The following PSG8 variants were observed in gnomAD, a reference collection of about 807,000 sequenced individuals.
PSG8 encodes pregnancy specific beta-1-glycoprotein 8, also known as pregnancy-specific beta-1-glycoprotein 8.
In PSG8, 57 loss-of-function variants were observed where a neutral mutation model predicts 42.5. That is an observed-to-expected ratio of 1.34 (90% CI 1.08 to 1.67). The LOEUF (loss-of-function observed/expected upper bound fraction) is 1.67, where lower values mean the gene tolerates loss of function less well. Ranked by LOEUF, PSG8 falls within the 40% of genes most tolerant of loss-of-function variation. PSG8 has a pLI of 0.00. For missense variants in PSG8, 783 were observed against 518.6 expected, an observed-to-expected ratio of 1.51 and a Z score of -4.95; for synonymous variants, 280 against 196.8, an observed-to-expected ratio of 1.42 and a Z score of -3.54.
At chr19:42,760,291 A>T (rs4558509) in intron 2 of PSG8, among the ~76,000 whole-genome samples, 106,655 of 151,986 alleles carry the variant, frequency 0.7, 39,059 homozygotes, top group African/African-American at 0.91. Context: ...AAACCATCAG[A>T]TAGCACCCAC....
intron 2 of PSG8, 120 bp from the exon 3 acceptor site, chr19:42,758,400 G>A: frequency 6.6e-7 from 1 of 1,523,346 alleles, no homozygotes; most frequent in Non-Finnish European, 8.8e-7. Flanking sequence ...AAAAGCCCAT[G>A]GCAGGTGTGT....
Position 42,765,015 on chromosome 19 carries a change from C to A in PSG8, c.64+503G>T, listed in dbSNP as rs574071448. Among the ~76,000 whole-genome samples the A allele has an allele frequency of 3.3e-5, 5 of 152,060 alleles. No individual in the cohort carries two copies. In the South Asian group the frequency reaches 1.0e-3, roughly 32 times the overall value. On this transcript the variant is annotated intron_variant, in intron 1 of 4. Coordinates refer to ENST00000306511, the MANE Select transcript of PSG8 (RefSeq NM_182707.3). ...AATGTGGTGGCCCCTGATGATTAAT[C>A]AGGAAAACAGAACACAAGATTTTCC...
rs1292837925 is a variant in PSG8 at position 42,765,615 on chromosome 19, G to GA, written c.-35dup. 1 of 1,605,526 alleles carries GA rather than the reference G, an allele frequency of 6.2e-7. No homozygotes were observed. Among genetic ancestry groups the GA allele is most frequent in the Non-Finnish European group, 8.5e-7 (1 of 1,174,516 alleles). On this transcript the variant is annotated 5_prime_UTR_variant, in exon 1 of 5. Coordinates refer to ENST00000306511, the MANE Select transcript of PSG8 (RefSeq NM_182707.3). ...CTGTCTGTGTGTTCTCCTCTGTGGA[G>GA]ATGAGCCTAGGATCCAGAAGCTTCC...
At chr19:42,756,351 A>G (rs1235271411) in intron 3 of PSG8, among the ~76,000 whole-genome samples, 10 of 152,158 alleles carry the variant, frequency 6.6e-5, no homozygotes, top group Non-Finnish European at 1.5e-4. Context: ...GTGCAGTTTC[A>G]TTTATGCAAG....
rs1338160468 is a variant in PSG8 at position 42,754,377 on chromosome 19, G to A, written c.1199C>T (p.Ala400Val). The change falls in exon 5 of 5, where the codon GCC becomes GTC. Residue 400 changes from alanine to valine, a missense_variant. Physicochemically the swap from Ala to Val is moderately conservative, Grantham distance 64. Coordinates refer to ENST00000306511, the MANE Select transcript of PSG8 (RefSeq NM_182707.3). ...GLYACSVRNS[A>V]TGKESSKSMT... is the part of the protein sequence containing the mutation. ...GGATTTGGAGCTTTCCTTGCCAGTGGCTGAGTTACGAACAGAGCAAGCATA... is the reference window on the plus strand; with the variant it reads ...GGATTTGGAGCTTTCCTTGCCAGTGACTGAGTTACGAACAGAGCAAGCATA... The A allele has an allele frequency of 6.2e-7, 1 of 1,613,706 alleles. No individual in the cohort carries two copies. The highest frequency in any genetic ancestry group is 1.3e-5 in the African/African-American group (1 of 74,904).
intron 3 of PSG8, chr19:42,755,591 C>G (rs1196215689): frequency 2.2e-6 from 1 of 454,040 alleles, no homozygotes; most frequent in East Asian, 4.0e-5. Context: ...GCTGGCTCAC[C>G]CTGGGTTCCT....
In PSG8 at chr19:42,765,589, G is replaced by A. The variant is rs1568381942; in HGVS notation, c.-8C>T. On this transcript the variant is annotated 5_prime_UTR_variant, in exon 1 of 5. Transcript: ENST00000306511. ...GGCTGAGAGGAGCCCCATGGTCTCT[G>A]CTGTCTGTGTGTTCTCCTCTGTGGA... 1.9e-6 allele frequency: 3 copies of A among 1,610,218 alleles called. No individual in the cohort carries two copies. Among genetic ancestry groups the A allele is most frequent in the Admixed American group, 3.3e-5 (2 of 59,892 alleles).
intron 2 of PSG8, among the ~76,000 whole-genome samples, chr19:42,759,436 C>G (rs897196063): frequency 2.6e-5 from 4 of 152,070 alleles, no homozygotes; most frequent in African/African-American, 9.7e-5. Context: ...ATAAAGTGCT[C>G]CTTATGCAGA....
chr19:42,754,792 G>C, intron 4 of PSG8, 196 bp downstream of exon 4: 3 of 1,389,836 alleles, frequency 2.2e-6, no homozygotes, highest in Non-Finnish European at 2.9e-6. Flanking sequence ...CCCATGACAA[G>C]AGCGTCCACT....
intron 2 of PSG8, 51 bp from the exon 3 acceptor site, chr19:42,758,331 C>A (rs1969986048): frequency 1.3e-6 from 2 of 1,581,484 alleles, no homozygotes; most frequent in Non-Finnish European, 1.7e-6. Flanking sequence ...TTTGATTCCT[C>A]CAAAGGCATT....
chr19:42,753,240 G>C, downstream of PSG8: 1 of 777,560 alleles, frequency 1.3e-6, no homozygotes, highest in South Asian at 1.3e-5. Context: ...AGGTACAAGG[G>C]TTTTCCCATG....
At chr19:42,761,963 G>T (rs1229856227) in intron 2 of PSG8, among the ~76,000 whole-genome samples, 2 of 150,628 alleles carry the variant, frequency 1.3e-5, no homozygotes, top group South Asian at 2.1e-4. Flanking sequence ...AAAGAGCCCT[G>T]GATGGGAATA....
At position 42,765,611 on chromosome 19, in the gene PSG8, T is replaced by C. The variant is rs1600425982; in HGVS notation, c.-30A>G. On this transcript the variant is annotated 5_prime_UTR_variant, in exon 1 of 5. Transcript: ENST00000306511. ...TCTGCTGTCTGTGTGTTCTCCTCTG[T>C]GGAGATGAGCCTAGGATCCAGAAGC... 2 of 1,606,498 alleles carry C rather than the reference T, an allele frequency of 1.2e-6. No homozygotes were observed. Among genetic ancestry groups the C allele is most frequent in the East Asian group, 2.2e-5 (1 of 44,820 alleles).
Position 42,757,867 on chromosome 19 carries a change from G to C in PSG8, c.709+135C>G, listed in dbSNP as rs966479513. ...GGCCTACTCTGGTTTGCCTGGGGCA[G>C]AAAGTCATGGCCAGGTTTGATGTCC... On this transcript the variant is annotated intron_variant, in intron 3 of 4. Coordinates refer to ENST00000306511, the MANE Select transcript of PSG8 (RefSeq NM_182707.3). 3.8e-6 allele frequency: 6 copies of C among 1,595,210 alleles called. No individual in the cohort carries two copies. The African/African-American group carries it at 4.0e-5, about 11-fold the overall frequency.
At position 42,755,207 on chromosome 19, in the gene PSG8, C is replaced by G. The variant is rs1366363816; in HGVS notation, c.769G>C (p.Val257Leu). 7 of 1,611,972 alleles carry G rather than the reference C, an allele frequency of 4.3e-6. No individual in the cohort carries two copies. The highest frequency in any genetic ancestry group is 1.3e-5 in the African/African-American group (1 of 74,960). The change falls in exon 4 of 5, where the codon GTC becomes CTC. Residue 257 changes from valine (V) to leucine (L), a missense_variant. Val to Leu is a conservative substitution (Grantham distance 32, BLOSUM62 1). Coordinates refer to ENST00000306511, the MANE Select transcript of PSG8 (RefSeq NM_182707.3). ...TTAGGTTCACAGGTGAAGTTTAAGA[C>G]ATCCTTATTCTCCCTGGGTTTTAAG... ...NNLKPRENKD[V>L]LNFTCEPKSE...
At chr19:42,757,733 C>T (rs1473841778) in intron 3 of PSG8, among the ~76,000 whole-genome samples, 3 of 152,182 alleles carry the variant, frequency 2.0e-5, no homozygotes, top group African/African-American at 7.2e-5. Context: ...CAGCTGTGTT[C>T]ACTGATCTGG....
intron 3 of PSG8, 137 bp from the exon 4 acceptor site, chr19:42,755,403 C>T: frequency 6.8e-7 from 1 of 1,469,838 alleles, no homozygotes. Context: ...GCGTGTGTCA[C>T]AAGACAGATG....
chr19:42,757,991 A>G lies in PSG8; in HGVS notation c.709+11T>C, dbSNP rs761806991. The G allele has an allele frequency of 1.1e-4, 185 of 1,613,814 alleles. 2 individuals are homozygous for G. Among genetic ancestry groups the G allele is most frequent in the Admixed American group, 8.7e-4 (52 of 59,816 alleles). On this transcript the variant is annotated intron_variant, in intron 3 of 4. Coordinates refer to ENST00000306511, the MANE Select transcript of PSG8 (RefSeq NM_182707.3). The stretch of plus-strand genomic sequence containing the variant: ...GGCAGCCTGGCTCACAGAGGAACAG[A>G]AAATACTCACGGAGGAGATTCAGGG...
At chr19:42,754,622 A>T in intron 4 of PSG8, 35 bp from the exon 5 acceptor site, 1 of 1,592,848 alleles carries the variant, frequency 6.3e-7, no homozygotes, top group Non-Finnish European at 8.6e-7. Context: ...AGGTGATGTC[A>T]TCTGAGGGAA....
Sources: gnomAD v4.1 joint callset for allele counts (sites outside exome capture counted in the v4.1 genomes callset) on GRCh38, gnomAD v4.1.1 for gene constraint, MANE v1.5 for transcripts, NCBI Gene and HGNC (gene_info 2026-07-23, HGNC 2026-07-21) for gene names.